The following EDIL3 variants were observed in gnomAD, a reference collection of about 807,000 sequenced individuals.
EDIL3 encodes EGF like and discoidin domains 3, also known as EGF-like repeat and discoidin I-like domain-containing protein 3.
Under a neutral mutation model 67.4 loss-of-function variants are expected in EDIL3, and 37 were observed. The ratio of observed to expected loss-of-function variants is 0.55; its 90% CI spans 0.42 to 0.72. EDIL3 has a LOEUF of 0.72. EDIL3 is among the 30% of genes least tolerant of loss of function. The pLI is 0.00. For synonymous variants in EDIL3, 195 were observed against 196.3 expected (o/e 0.99, Z 0.05); for missense variants, 527 against 586.3 (o/e 0.90, Z 1.04).
intron 2 of EDIL3, among the ~76,000 whole-genome samples, chr5:84,242,057 A>G (rs1052011909): frequency 3.3e-4 from 35 of 105,096 alleles, no homozygotes; most frequent in African/African-American, 1.2e-3. Context: ...CGTCTCTACT[A>G]AAAGTACAAA....
intron 2 of EDIL3, among the ~76,000 whole-genome samples, chr5:84,245,673 G>C (rs1472290327): frequency 6.6e-6 from 1 of 152,032 alleles, no homozygotes; most frequent in Non-Finnish European, 1.5e-5. Context: ...TGATTTGTGA[G>C]TCTTCTATAG....
At chr5:84,275,587 C>G (rs1156499922) in intron 1 of EDIL3, among the ~76,000 whole-genome samples, 1 of 152,126 alleles carries the variant, frequency 6.6e-6, no homozygotes, top group Non-Finnish European at 1.5e-5. Context: ...TTATTTCCAA[C>G]TGAATTGGTT....
At chr5:84,014,713 T>C (rs1403398702) in intron 9 of EDIL3, among the ~76,000 whole-genome samples, 1 of 152,142 alleles carries the variant, frequency 6.6e-6, no homozygotes, top group Non-Finnish European at 1.5e-5. Context: ...AAGACTCTAA[T>C]GTGATATAAA....
At chr5:83,975,562 A>G (rs759592093) in intron 9 of EDIL3, among the ~76,000 whole-genome samples, 5 of 152,024 alleles carry the variant, frequency 3.3e-5, no homozygotes, top group African/African-American at 4.8e-5. Flanking sequence ...CATTTTTTAC[A>G]TAACTGTCTT....
At chr5:84,371,152 G>T (rs1747835657) in intron 1 of EDIL3, among the ~76,000 whole-genome samples, 1 of 151,106 alleles carries the variant, frequency 6.6e-6, no homozygotes, top group Non-Finnish European at 1.5e-5. Flanking sequence ...TACAGTGACA[G>T]AATAATAACA....
At chr5:84,082,135 T>C (rs889931915) in intron 6 of EDIL3, among the ~76,000 whole-genome samples, 1 of 152,246 alleles carries the variant, frequency 6.6e-6, no homozygotes. Flanking sequence ...AGTATATTAT[T>C]TGCAGCATGC....
chr5:84,332,636 G>C (rs1006869702), intron 1 of EDIL3, among the ~76,000 whole-genome samples: 1 of 152,106 alleles, frequency 6.6e-6, no homozygotes, highest in East Asian at 1.9e-4. Context: ...GGGCAAGTCT[G>C]GTTGTATTAG....
chr5:84,124,046 A>G (rs1747821602), intron 5 of EDIL3, among the ~76,000 whole-genome samples: 1 of 151,968 alleles, frequency 6.6e-6, no homozygotes, highest in Admixed American at 6.6e-5. Flanking sequence ...TTCTCCCTAG[A>G]GAATTCTTAC....
At chr5:84,248,553 G>A (rs890603508) in intron 2 of EDIL3, among the ~76,000 whole-genome samples, 2 of 151,996 alleles carry the variant, frequency 1.3e-5, no homozygotes, top group East Asian at 3.9e-4. Flanking sequence ...CATTCCCTAA[G>A]CTTCAATAAC....
chr5:84,284,964 T>C (rs927892103), intron 1 of EDIL3, among the ~76,000 whole-genome samples: 1 of 152,182 alleles, frequency 6.6e-6, no homozygotes, highest in African/African-American at 2.4e-5. Context: ...CAGAGAATGC[T>C]CTGTGATGGG....
chr5:84,163,227 C>G (rs1000235932), intron 4 of EDIL3, among the ~76,000 whole-genome samples: 1 of 152,046 alleles, frequency 6.6e-6, no homozygotes, highest in Admixed American at 6.6e-5. Context: ...AATATACTCT[C>G]TAAACCATTT....
At position 84,040,561 on chromosome 5, in the gene EDIL3, C is replaced by T. The variant is rs9293363; in HGVS notation, c.1137+19739G>A. On this transcript the variant is annotated intron_variant, in intron 9 of 10. Transcript: ENST00000296591. Reference sequence around the variant, plus strand: ...CCAGAGAACACTTAAATTACAGATACGAAAACAGATCTTCTTTCTCATAAA... The same window carrying T: ...CCAGAGAACACTTAAATTACAGATATGAAAACAGATCTTCTTTCTCATAAA... Among the ~76,000 whole-genome samples, 1,320 of 149,934 alleles carry T rather than the reference C, an allele frequency of 8.8e-3. 22 individuals are homozygous for T. Among genetic ancestry groups the T allele is most frequent in the African/African-American group, 0.03 (1,218 of 41,072 alleles).
chr5:84,354,035 G>A (rs1027237489), intron 1 of EDIL3, among the ~76,000 whole-genome samples: 3 of 152,198 alleles, frequency 2.0e-5, no homozygotes, highest in Middle Eastern at 3.4e-3. Context: ...ATAACTCTAG[G>A]CATGTGGAAA....
chr5:84,183,177 TATC>T (rs1179227881), intron 3 of EDIL3, among the ~76,000 whole-genome samples: 1 of 152,166 alleles, frequency 6.6e-6, no homozygotes, highest in Non-Finnish European at 1.5e-5. Flanking sequence ...TCTTCGTCAT[TATC>T]ATTCTCTTTT....
chr5:84,310,871 G>A (rs1044591592), intron 1 of EDIL3, among the ~76,000 whole-genome samples: 4 of 151,978 alleles, frequency 2.6e-5, no homozygotes, highest in Non-Finnish European at 2.9e-5. Flanking sequence ...TCTCCTGTGC[G>A]CTTACCCAGT....
chr5:84,062,611 T>C (rs1746566558), intron 8 of EDIL3, among the ~76,000 whole-genome samples: 1 of 152,106 alleles, frequency 6.6e-6, no homozygotes, highest in African/African-American at 2.4e-5. Flanking sequence ...ATTCCAAATA[T>C]CTTAAGTCAT....
intron 4 of EDIL3, among the ~76,000 whole-genome samples, chr5:84,168,243 T>C (rs1479309297): frequency 1.3e-5 from 2 of 152,198 alleles, no homozygotes; most frequent in Non-Finnish European, 2.9e-5. Context: ...TATTTTAGCA[T>C]GTAATTATTA....
At chr5:84,089,200 T>C (rs1747122564) in intron 6 of EDIL3, among the ~76,000 whole-genome samples, 1 of 152,220 alleles carries the variant, frequency 6.6e-6, no homozygotes, top group South Asian at 2.1e-4. Context: ...GCCAACGGCT[T>C]AGAAGCAGAA....
intron 6 of EDIL3, among the ~76,000 whole-genome samples, chr5:84,103,415 C>T (rs1360628206): frequency 6.6e-6 from 1 of 152,004 alleles, no homozygotes; most frequent in Non-Finnish European, 1.5e-5. Context: ...AAGGAACTAT[C>T]AACACAGTGA....
Sources: gnomAD v4.1 joint callset for allele counts (sites outside exome capture counted in the v4.1 genomes callset) on GRCh38, gnomAD v4.1.1 for gene constraint, MANE v1.5 for transcripts, NCBI Gene and HGNC (gene_info 2026-07-23, HGNC 2026-07-21) for gene names.